The following LOXHD1 variants were observed in gnomAD, a reference collection of about 807,000 sequenced individuals.
The protein encoded by LOXHD1 is lipoxygenase homology domain-containing protein 1.
In LOXHD1, 205 loss-of-function variants were observed where a neutral mutation model predicts 248.2. That is an observed-to-expected ratio of 0.83 (90% CI 0.74 to 0.93). The LOEUF is 0.93. Among genes scored for constraint, LOXHD1 ranks in the 40% least tolerant of loss-of-function variants. The probability of loss-of-function intolerance (pLI) is 0.00; values close to 1 mark genes in which losing one functional copy is unlikely to be tolerated. For synonymous variants in LOXHD1, 1,113 were observed against 1,162.8 expected (o/e 0.96, Z 0.87); for missense variants, 2,930 against 2,971.6 (o/e 0.99, Z 0.33).
intron 23 of LOXHD1, among the ~76,000 whole-genome samples, chr18:46,545,096 G>A (rs2036739759): frequency 6.6e-6 from 1 of 152,192 alleles, no homozygotes; most frequent in Non-Finnish European, 1.5e-5. Flanking sequence ...ATTGGGTGGA[G>A]TCAGGGCTAC....
chr18:46,650,389 T>C (rs1486346260), intron 1 of LOXHD1, among the ~76,000 whole-genome samples: 1 of 152,186 alleles, frequency 6.6e-6, no homozygotes, highest in African/African-American at 2.4e-5. Flanking sequence ...ATGATCTATG[T>C]CCACCACATC....
chr18:46,552,143 A>G (rs1363883657), intron 21 of LOXHD1, among the ~76,000 whole-genome samples: 2 of 152,354 alleles, frequency 1.3e-5, no homozygotes, highest in East Asian at 3.9e-4. Context: ...CAATGTGAAT[A>G]TACTTAACAC....
At chr18:46,524,300 G>A (rs941193581) in intron 31 of LOXHD1, among the ~76,000 whole-genome samples, 166 bp downstream of exon 31, 3 of 152,190 alleles carry the variant, frequency 2.0e-5, no homozygotes, top group African/African-American at 7.2e-5. Context: ...ACCTTGCAGG[G>A]TTGTTCTGGG....
rs746730922 is a variant in LOXHD1, at chr18:46,566,469, G to A, written c.2245-20C>T. ...GTTGATCTGAAGGAAACCCGAGTGA[G>A]GGTGAGCAAGGAGCCAGTGTGTAGA... On this transcript the variant is annotated intron_variant, in intron 16 of 40. Coordinates refer to ENST00000642948, the MANE Select transcript of LOXHD1 (RefSeq NM_001384474.1). 9.7e-6 allele frequency: 15 copies of A among 1,543,694 alleles called. No individual in the cohort carries two copies. The highest frequency in any genetic ancestry group is 1.2e-5 in the Non-Finnish European group (14 of 1,145,412).
chr18:46,513,918 C>A (rs1252481435), intron 34 of LOXHD1, among the ~76,000 whole-genome samples: 1 of 152,150 alleles, frequency 6.6e-6, no homozygotes, highest in African/African-American at 2.4e-5. Context: ...GGCTGGTGAG[C>A]AGCAGGGAGT....
chr18:46,591,795 C>G, intron 12 of LOXHD1, 138 bp downstream of exon 12: 2 of 1,056,452 alleles, frequency 1.9e-6, no homozygotes, highest in Non-Finnish European at 2.7e-6. Flanking sequence ...GAGGCAGGGA[C>G]CTTCCAAATC....
At chr18:46,488,244 G>A (rs7242058) in intron 38 of LOXHD1, among the ~76,000 whole-genome samples, 6,090 of 152,256 alleles carry the variant, frequency 0.04, 394 homozygotes, top group African/African-American at 0.14. Flanking sequence ...GACAGAAGGA[G>A]CTTGGGTCCC....
chr18:46,569,148 G>A (rs1396984772), intron 16 of LOXHD1, among the ~76,000 whole-genome samples: 1 of 152,068 alleles, frequency 6.6e-6, no homozygotes, highest in Non-Finnish European at 1.5e-5. Flanking sequence ...TGGATATGTA[G>A]GTAAATAAAA....
chr18:46,607,346 TATAC>T (rs988623129), intron 6 of LOXHD1, among the ~76,000 whole-genome samples: 3 of 149,904 alleles, frequency 2.0e-5, no homozygotes, highest in South Asian at 2.1e-4. Flanking sequence ...TACATGTACA[TATAC>T]ATACATATAT....
intron 34 of LOXHD1, among the ~76,000 whole-genome samples, chr18:46,515,989 C>T (rs530677861): frequency 2.0e-4 from 30 of 152,332 alleles, no homozygotes; most frequent in African/African-American, 6.7e-4. Context: ...TCCAGCTTTA[C>T]CACACCAAAA....
chr18:46,593,709 G>A lies in LOXHD1; in HGVS notation c.1322C>T (p.Thr441Ile), dbSNP rs866400378. 2 of 1,552,180 alleles carry A rather than the reference G, an allele frequency of 1.3e-6. No homozygotes were observed. Among genetic ancestry groups the A allele is most frequent in the African/African-American group, 2.7e-5 (2 of 73,134 alleles). Reference protein sequence around the residue: ...VWTTDLKKAGTNSPIFIQIYG... With the variant: ...VWTTDLKKAGINSPIFIQIYG... ...AATCTGGATGAAGATGGGAGAGTTG[G>A]TACCAGCTTTCTTTAGGTCGGTTGT... The change falls in exon 10 of 41, where the codon ACC becomes ATC. Residue 441 changes from threonine to isoleucine, a missense_variant. Coordinates refer to ENST00000642948, the MANE Select transcript of LOXHD1 (RefSeq NM_001384474.1).
At chr18:46,611,975 G>T (rs143230749) in intron 5 of LOXHD1, among the ~76,000 whole-genome samples, 9 of 152,234 alleles carry the variant, frequency 5.9e-5, no homozygotes, top group Non-Finnish European at 8.8e-5. Flanking sequence ...GGTTGCTATT[G>T]TTCCTGTTAT....
At chr18:46,610,066 C>T (rs765533552) in intron 6 of LOXHD1, among the ~76,000 whole-genome samples, 1 of 152,116 alleles carries the variant, frequency 6.6e-6, no homozygotes, top group African/African-American at 2.4e-5. Context: ...AGAAAGCGTA[C>T]GCTTGGATCA....
intron 40 of LOXHD1, among the ~76,000 whole-genome samples, chr18:46,481,854 G>A (rs959583247): frequency 2.6e-5 from 4 of 152,206 alleles, no homozygotes; most frequent in African/African-American, 9.7e-5. Context: ...CCTAAGACAG[G>A]AAGGTGCCAG....
rs2037641419 is a variant in LOXHD1, at chr18:46,566,367, CG to C, written c.2326del (p.Arg776ValfsTer157). ...FLGSVQIRVP[R>X]QGKQYTFPAN... is the part of the protein sequence containing the mutation. ...GGGAAAGGTGTACTGCTTGCCTTGA[CG>C]GGGCACACGGATCTGAACGCTGCCC... is the stretch of plus-strand genomic sequence containing the variant. On this transcript the variant is annotated frameshift_variant, in exon 17 of 41. Transcript: ENST00000642948. LOFTEE classifies it high-confidence loss of function. 6.4e-7 allele frequency: 1 copy of C among 1,551,592 alleles called. No homozygotes were observed. Among genetic ancestry groups the C allele is most frequent in the African/African-American group, 1.4e-5 (1 of 73,040 alleles).
At position 46,642,371 on chromosome 18, in the gene LOXHD1, GC is replaced by G. The variant is rs2038973824; in HGVS notation, c.246-336del. ...CTGGCTCTCCCAGTCATGACCCCAT[GC>G]CCTTTGGCTGCTCTGGGTTGGGTGG... On this transcript the variant is annotated intron_variant, in intron 2 of 40. Coordinates refer to ENST00000642948, the MANE Select transcript of LOXHD1 (RefSeq NM_001384474.1). Among the ~76,000 whole-genome samples, 2 of 152,226 alleles carry G rather than the reference GC, an allele frequency of 1.3e-5. 1 individual carries two copies. Among genetic ancestry groups the G allele is most frequent in the South Asian group, 4.1e-4 (2 of 4,832 alleles).
rs116077202 is a variant in LOXHD1 at position 46,634,579 on chromosome 18, A to G, written c.511+5037T>C. On this transcript the variant is annotated intron_variant, in intron 4 of 40. Coordinates refer to ENST00000642948, the MANE Select transcript of LOXHD1 (RefSeq NM_001384474.1). ...CATGTATAAGGTACATATGAAACAA[A>G]TGAATTTCATGGATAGACTTGGCTT... 6.2e-3 allele frequency among the ~76,000 whole-genome samples: 952 copies of G among 152,356 alleles called. 12 individuals carry two copies. The highest frequency in any genetic ancestry group is 0.022 in the African/African-American group (918 of 41,580).
intron 2 of LOXHD1, among the ~76,000 whole-genome samples, chr18:46,645,998 C>A (rs2039024337): frequency 6.6e-6 from 1 of 152,188 alleles, no homozygotes; most frequent in South Asian, 2.1e-4. Context: ...CTCTAATATT[C>A]CTTTTTAAGT....
chr18:46,593,758 A>T lies in LOXHD1; in HGVS notation c.1273T>A (p.Phe425Ile), dbSNP rs1403019167. The T allele has an allele frequency of 1.3e-6, 2 of 1,551,806 alleles. No homozygotes were observed. Among genetic ancestry groups the T allele is most frequent in the Non-Finnish European group, 1.7e-6 (2 of 1,146,984 alleles). ...VSLRKKRLKK[F>I]PWSLWVWTTD... ...GTCCAGACCCACAGGGACCAAGGGA[A>T]TTCTGTAAGACAGATCAAGTTGCAC... Residue 425 changes from phenylalanine (F) to isoleucine (I), a missense_variant and splice_region_variant, in exon 10 of 41, where the codon TTC becomes ATC. Physicochemically the swap from Phe to Ile is conservative, Grantham distance 21. Coordinates refer to ENST00000642948, the MANE Select transcript of LOXHD1 (RefSeq NM_001384474.1).
Sources: gnomAD v4.1 joint callset for allele counts (sites outside exome capture counted in the v4.1 genomes callset) on GRCh38, gnomAD v4.1.1 for gene constraint, MANE v1.5 for transcripts, NCBI Gene and HGNC (gene_info 2026-07-23, HGNC 2026-07-21) for gene names.